Variants in SLC5A1 observed in about 807,000 individuals in gnomAD.
The protein encoded by SLC5A1 is solute carrier family 5 member 1.
SLC5A1 carries 42 observed loss-of-function variants against 73.5 expected under a neutral mutation model. The ratio of observed to expected loss-of-function variants is 0.57; its 90% confidence interval spans 0.45 to 0.74. SLC5A1 has a LOEUF of 0.74. Ranked by LOEUF, SLC5A1 falls within the 30% of genes least tolerant of loss-of-function variation. The probability of loss-of-function intolerance (pLI) is 0.00; values close to 1 mark genes in which losing one functional copy is unlikely to be tolerated. For missense variants in SLC5A1, 634 were observed against 855.4 expected (o/e 0.74, Z 3.23); for synonymous variants, 300 against 317.4 (o/e 0.95, Z 0.58).
intron 5 of SLC5A1, among the ~76,000 whole-genome samples, chr22:32,079,605 T>C (rs778660173): frequency 3.9e-5 from 6 of 152,118 alleles, no homozygotes; most frequent in Non-Finnish European, 5.9e-5. Context: ...CTCTGGAAAA[T>C]CAACCAAGGG....
rs750332253 is a variant in SLC5A1 at position 32,084,941 on chromosome 22, C to T, written c.927C>T (p.His309=). The T allele has an allele frequency of 7.4e-6, 12 of 1,614,030 alleles. No homozygotes were observed. The highest frequency in any genetic ancestry group is 3.3e-5 in the Admixed American group (2 of 59,996). The part of the protein sequence containing the change: ...QRCLSAKNMS[H]VKGGCILCGY... The stretch of plus-strand genomic sequence containing the variant: ...GCCTCTCAGCCAAGAATATGTCTCA[C>T]GTGAAGGGTGGCTGCATCCTGTGTG... The change falls in exon 9 of 15, where the codon CAC becomes CAT. Residue 309 remains histidine, a synonymous_variant. Coordinates refer to ENST00000266088, the MANE Select transcript of SLC5A1 (RefSeq NM_000343.4).
rs565840339 is a variant in SLC5A1 at position 32,051,679 on chromosome 22, A to C, written c.207+1665A>C. Among the ~76,000 whole-genome samples the C allele has an allele frequency of 3.3e-5, 5 of 152,052 alleles. No homozygotes were observed. The Middle Eastern group carries it at 0.014, about 414-fold the overall frequency. ...TCAAACAACAACAACAACAACAAAAACCCCAAAAAACAAAAACAACAACAA... is the reference window on the plus strand; with the variant it reads ...TCAAACAACAACAACAACAACAAAACCCCCAAAAAACAAAAACAACAACAA... On this transcript the variant is annotated intron_variant, in intron 2 of 14. Coordinates refer to ENST00000266088, the MANE Select transcript of SLC5A1 (RefSeq NM_000343.4).
chr22:32,091,855 C>T, intron 11 of SLC5A1, 93 bp downstream of exon 11: 1 of 1,291,170 alleles, frequency 7.7e-7, no homozygotes, highest in Non-Finnish European at 1.1e-6. Flanking sequence ...TGGCAGATGC[C>T]TGGGTAGAAT....
intron 2 of SLC5A1, among the ~76,000 whole-genome samples, chr22:32,055,977 A>C (rs2093951145): frequency 6.6e-6 from 1 of 152,156 alleles, no homozygotes. Context: ...AGACCTACTG[A>C]ATCACAAACG....
chr22:32,102,515 C>A (rs1412858116), intron 13 of SLC5A1, among the ~76,000 whole-genome samples: 1 of 152,074 alleles, frequency 6.6e-6, no homozygotes. Context: ...TGCCTGTAAT[C>A]CCAGCACTTT....
intron 2 of SLC5A1, among the ~76,000 whole-genome samples, chr22:32,056,657 AGACGCCCTGGGATCTCCC>A (rs1447394757): frequency 1.3e-5 from 2 of 152,166 alleles, no homozygotes; most frequent in African/African-American, 4.8e-5. Context: ...GGCATGGAGA[AGACGCCCTGGGATCTCCC>A]GATATCCCTT....
chr22:32,051,600 G>A (rs914575267), intron 2 of SLC5A1, among the ~76,000 whole-genome samples: 3 of 152,092 alleles, frequency 2.0e-5, no homozygotes, highest in African/African-American at 7.2e-5. Flanking sequence ...AGGCTACAGT[G>A]AGCCATGATT....
Position 32,110,220 on chromosome 22 carries a change from C to G in SLC5A1, c.*7C>G. 1.3e-6 allele frequency: 2 copies of G among 1,593,082 alleles called. No individual in the cohort carries two copies. Among genetic ancestry groups the G allele is most frequent in the Non-Finnish European group, 1.7e-6 (2 of 1,161,504 alleles). On this transcript the variant is annotated 3_prime_UTR_variant, in exon 15 of 15. Transcript: ENST00000266088. ...CCATGCATATTTTGCCTGAGTCCTA[C>G]CTTTTGCTGTAGATTTACCATGGCT... is the stretch of plus-strand genomic sequence containing the variant.
At position 32,104,866 on chromosome 22, in the gene SLC5A1, A is replaced by C; in HGVS notation, c.1746A>C (p.Glu582Asp). ...ATGCGGAAGAGGAGAACATCCAAGA[A>C]GGCCCTAAGGAGACCATTGAAATAG... ...DLDAEEENIQEGPKETIEIET... is the reference protein window; with the variant it reads ...DLDAEEENIQDGPKETIEIET... The change falls in exon 14 of 15, where the codon GAA becomes GAC. Residue 582 changes from glutamate (E) to aspartate (D), a missense_variant. By Grantham distance (45) the Glu-to-Asp change is conservative. This residue lies in a region of SLC5A1 where 161 missense variants were observed against 178.7 expected (regional missense o/e 0.90). Coordinates refer to ENST00000266088, the MANE Select transcript of SLC5A1 (RefSeq NM_000343.4). The C allele has an allele frequency of 1.2e-6, 2 of 1,613,924 alleles. No homozygotes were observed. Among genetic ancestry groups the C allele is most frequent in the East Asian group, 2.2e-5 (1 of 44,884 alleles).
chr22:32,052,573 C>T (rs762451526), intron 2 of SLC5A1, among the ~76,000 whole-genome samples: 2 of 152,186 alleles, frequency 1.3e-5, no homozygotes, highest in Non-Finnish European at 2.9e-5. Context: ...AAGTACTTGA[C>T]TCTTCATAAG....
At chr22:32,106,391 G>C (rs548142779) in intron 14 of SLC5A1, among the ~76,000 whole-genome samples, 1 of 152,270 alleles carries the variant, frequency 6.6e-6, no homozygotes, top group South Asian at 2.1e-4. Flanking sequence ...AAAATCTTTA[G>C]ACCATTTTTG....
chr22:32,067,926 G>A (rs750297313), intron 3 of SLC5A1, 41 bp from the exon 4 acceptor site: 2 of 1,611,102 alleles, frequency 1.2e-6, no homozygotes, highest in African/African-American at 1.3e-5. Flanking sequence ...GATGGGCTAA[G>A]TTTCCTCCTA....
At chr22:32,068,354 C>T (rs377045643) in intron 4 of SLC5A1, 142 bp from the exon 5 acceptor site, 44 of 726,558 alleles carry the variant, frequency 6.1e-5, no homozygotes, top group East Asian at 5.6e-4. Context: ...CTGGCCACCT[C>T]GCAGACTTCT....
intron 2 of SLC5A1, among the ~76,000 whole-genome samples, chr22:32,054,316 G>A (rs1230076133): frequency 1.3e-5 from 2 of 152,206 alleles, no homozygotes; most frequent in African/African-American, 4.8e-5. Flanking sequence ...TGCCATGTAG[G>A]TGCTGATATA....
intron 2 of SLC5A1, among the ~76,000 whole-genome samples, chr22:32,050,869 T>C (rs117592915): frequency 6.6e-6 from 1 of 152,136 alleles, no homozygotes; most frequent in Non-Finnish European, 1.5e-5. Flanking sequence ...CTGAGTAACA[T>C]GAAACCATGA....
intron 2 of SLC5A1, among the ~76,000 whole-genome samples, chr22:32,057,076 CAT>C (rs1479670509): frequency 6.6e-6 from 1 of 152,138 alleles, no homozygotes; most frequent in Non-Finnish European, 1.5e-5. Flanking sequence ...CTCAAGGTCA[CAT>C]AGTTTGCTAT....
Position 32,085,029 on chromosome 22 carries a change from T to C in SLC5A1, c.1015T>C (p.Tyr339His). The C allele has an allele frequency of 6.2e-7, 1 of 1,614,202 alleles. No individual in the cohort carries two copies. The change falls in exon 9 of 15, where the codon TAC becomes CAC. Residue 339 changes from tyrosine to histidine, a missense_variant. Tyr to His is a moderately conservative substitution (Grantham distance 83). Coordinates refer to ENST00000266088, the MANE Select transcript of SLC5A1 (RefSeq NM_000343.4). The stretch of plus-strand genomic sequence containing the variant: ...GCCAGGAATGATCAGCCGCATTCTG[T>C]ACACAGGTAATAACTTCTGCTGGAC... Reference protein sequence around the residue: ...VMPGMISRILYTEKIACVVPS... With the variant: ...VMPGMISRILHTEKIACVVPS...
chr22:32,099,418 A>G, intron 12 of SLC5A1, 67 bp downstream of exon 12: 1 of 1,402,526 alleles, frequency 7.1e-7, no homozygotes, highest in Non-Finnish European at 1.0e-6. Context: ...GGGTTTGCAT[A>G]TTCTCTGTGG....
chr22:32,082,506 G>A (rs1042102146), intron 6 of SLC5A1, among the ~76,000 whole-genome samples: 1 of 152,192 alleles, frequency 6.6e-6, no homozygotes, highest in Non-Finnish European at 1.5e-5. Context: ...CCTGTAAGGA[G>A]GGAGAAAGGC....
Sources: gnomAD v4.1 joint callset for allele counts (sites outside exome capture counted in the v4.1 genomes callset) on GRCh38, gnomAD v4.1.1 for gene constraint, gnomAD v4.1.1 regional missense constraint, MANE v1.5 for transcripts, NCBI Gene and HGNC (gene_info 2026-07-23, HGNC 2026-07-21) for gene names.